GNA14: variants seen among roughly 807,000 people sequenced by gnomAD.
The protein encoded by GNA14 is guanine nucleotide-binding protein subunit alpha-14.
GNA14 carries 50 observed loss-of-function variants against 42.0 expected under a neutral mutation model. The ratio of observed to expected loss-of-function variants is 1.19; its 90% confidence interval spans 0.95 to 1.51. The LOEUF (loss-of-function observed/expected upper bound fraction) is 1.51, where lower values mean the gene tolerates loss of function less well. Among genes scored for constraint, GNA14 ranks in the 40% most tolerant of loss-of-function variants. GNA14 has a pLI of 0.00. For missense variants in GNA14, 473 were observed against 446.2 expected, an observed-to-expected ratio of 1.06 and a Z score of -0.54; for synonymous variants, 173 against 163.1, an observed-to-expected ratio of 1.06 and a Z score of -0.46.
At chr9:77,578,376 T>C (rs1191514135) in intron 1 of GNA14, among the ~76,000 whole-genome samples, 1 of 152,228 alleles carries the variant, frequency 6.6e-6, no homozygotes, top group African/African-American at 2.4e-5. Context: ...GATTTCAGTC[T>C]CTCACATAAC....
In GNA14 at chr9:77,619,956, T is replaced by C. The variant is rs564565001; in HGVS notation, c.124+27714A>G. On this transcript the variant is annotated intron_variant, in intron 1 of 6. Transcript: ENST00000341700. ...GGAATTACTGCACATGTAAAGCCTC[T>C]TGCTACATAAAAATTCAAACACAGA... Among the ~76,000 whole-genome samples the C allele has an allele frequency of 9.9e-5, 15 of 152,284 alleles. No individual in the cohort carries two copies. In the South Asian group the frequency reaches 3.1e-3, roughly 32 times the overall value.
rs59321037 is a variant in GNA14, at chr9:77,467,000, GGTGTGTGTGTGTGTGTGT to G, written c.310-32496_310-32479del. Among the ~76,000 whole-genome samples, 15 of 143,620 alleles carry G rather than the reference GGTGTGTGTGTGTGTGTGT, an allele frequency of 1.0e-4. No individual in the cohort carries two copies. The South Asian group carries it at 2.3e-3, about 22-fold the overall frequency. 94.2% of individuals were successfully genotyped at this position (143,620 alleles called of 152,430 possible). On this transcript the variant is annotated intron_variant, in intron 2 of 6. Transcript: ENST00000341700. ...AGGGTTTTTTTGCCTTTTACCACTCGGTGTGTGTGTGTGTGTGTGTGTGTGTGTGTGTGTGTGTCTTGG... is the reference window on the plus strand; with the variant it reads ...AGGGTTTTTTTGCCTTTTACCACTCGGTGTGTGTGTGTGTGTGTGTCTTGG...
intron 1 of GNA14, among the ~76,000 whole-genome samples, chr9:77,640,129 C>T (rs7033745): frequency 1.0e-3 from 156 of 152,304 alleles, no homozygotes; most frequent in Middle Eastern, 3.4e-3. Flanking sequence ...AGAGAGGGCT[C>T]TCAAGCTTGG....
At chr9:77,608,912 T>A (rs1010787002) in intron 1 of GNA14, among the ~76,000 whole-genome samples, 1 of 152,158 alleles carries the variant, frequency 6.6e-6, no homozygotes, top group Non-Finnish European at 1.5e-5. Flanking sequence ...CGGCTTCTGT[T>A]GAAATAGCTG....
chr9:77,617,901 T>C (rs1823849002), intron 1 of GNA14, among the ~76,000 whole-genome samples: 1 of 151,974 alleles, frequency 6.6e-6, no homozygotes, highest in Admixed American at 6.6e-5. Flanking sequence ...CTTCAGAGAA[T>C]TACTCCTGGC....
intron 1 of GNA14, among the ~76,000 whole-genome samples, chr9:77,581,463 T>G (rs1823222833): frequency 1.3e-5 from 2 of 152,136 alleles, no homozygotes; most frequent in African/African-American, 4.8e-5. Flanking sequence ...AAAGATAACG[T>G]GAGTCAATGT....
intron 2 of GNA14, among the ~76,000 whole-genome samples, chr9:77,476,308 G>C (rs574346756): frequency 1.3e-5 from 2 of 152,290 alleles, no homozygotes; most frequent in South Asian, 4.1e-4. Flanking sequence ...TCAGAGTACT[G>C]AAAACCCAGC....
intron 2 of GNA14, among the ~76,000 whole-genome samples, chr9:77,451,512 G>A (rs972910339): frequency 3.3e-5 from 5 of 152,096 alleles, no homozygotes; most frequent in African/African-American, 1.2e-4. Flanking sequence ...TTCTAGGATG[G>A]CCCTGAAAAT....
chr9:77,451,499 C>A (rs1835901328), intron 2 of GNA14, among the ~76,000 whole-genome samples: 1 of 152,120 alleles, frequency 6.6e-6, no homozygotes. Flanking sequence ...CAGGGTGAGG[C>A]TATTCTAGGA....
intron 1 of GNA14, among the ~76,000 whole-genome samples, chr9:77,611,857 C>G (rs1342077900): frequency 6.6e-6 from 1 of 152,104 alleles, no homozygotes. Context: ...TTTTGGGTTT[C>G]TACACTGACT....
intron 1 of GNA14, among the ~76,000 whole-genome samples, chr9:77,590,411 C>T (rs189518887): frequency 2.1e-4 from 32 of 152,312 alleles, no homozygotes; most frequent in Admixed American, 1.9e-3. Context: ...TACAGACATA[C>T]GTGGTGAGCA....
At chr9:77,627,893 G>C (rs1824037812) in intron 1 of GNA14, among the ~76,000 whole-genome samples, 2 of 152,088 alleles carry the variant, frequency 1.3e-5, no homozygotes, top group African/African-American at 4.8e-5. Context: ...TCTAGCCAGA[G>C]CAATCAGGCA....
At chr9:77,528,006 T>C (rs969221430) in intron 2 of GNA14, among the ~76,000 whole-genome samples, 1 of 152,196 alleles carries the variant, frequency 6.6e-6, no homozygotes, top group African/African-American at 2.4e-5. Context: ...CTTCATTTCT[T>C]CAGGACTGCA....
intron 1 of GNA14, among the ~76,000 whole-genome samples, chr9:77,601,569 T>G (rs1255103972): frequency 2.0e-5 from 3 of 152,208 alleles, no homozygotes; most frequent in African/African-American, 7.2e-5. Flanking sequence ...GAAAGAGACA[T>G]CATTTGCAGG....
intron 2 of GNA14, among the ~76,000 whole-genome samples, chr9:77,515,402 T>C (rs1229217175): frequency 2.0e-5 from 3 of 152,192 alleles, no homozygotes; most frequent in Non-Finnish European, 4.4e-5. Flanking sequence ...AGGAGGTCAC[T>C]GTGGTTGAAG....
chr9:77,589,496 A>G (rs1367922954), intron 1 of GNA14, among the ~76,000 whole-genome samples: 1 of 152,114 alleles, frequency 6.6e-6, no homozygotes, highest in Non-Finnish European at 1.5e-5. Flanking sequence ...TTCAGATATC[A>G]CTTATATTTC....
Position 77,435,271 on chromosome 9 carries a change from C to A in GNA14, c.310-749G>T, listed in dbSNP as rs532057036. 4.6e-5 allele frequency among the ~76,000 whole-genome samples: 7 copies of A among 152,038 alleles called. No homozygotes were observed. In the East Asian group the frequency reaches 1.2e-3, roughly 25 times the overall value. On this transcript the variant is annotated intron_variant, in intron 2 of 6. Coordinates refer to ENST00000341700, the MANE Select transcript of GNA14 (RefSeq NM_004297.4). The stretch of plus-strand genomic sequence containing the variant: ...ACTCAGGAGGCTGAGGCAGGAGAAT[C>A]GCTTGAACCCAGAAGGTGGAGGTTG...
At chr9:77,429,711 G>T (rs890359219) in intron 4 of GNA14, among the ~76,000 whole-genome samples, 2 of 152,194 alleles carry the variant, frequency 1.3e-5, no homozygotes, top group East Asian at 3.9e-4. Context: ...ACAGCCGGGG[G>T]CCCTGTCTAC....
intron 2 of GNA14, among the ~76,000 whole-genome samples, chr9:77,469,361 G>A (rs1035349817): frequency 3.4e-4 from 29 of 86,180 alleles, no homozygotes; most frequent in South Asian, 1.6e-3. Context: ...AGGATAAACT[G>A]TGTTAAAAAA....
Sources: allele counts gnomAD v4.1 joint callset (sites outside exome capture counted in the v4.1 genomes callset), GRCh38; gene constraint gnomAD v4.1.1; transcripts MANE v1.5; gene names NCBI Gene and HGNC (gene_info 2026-07-23, HGNC 2026-07-21).